FGF14: variants seen among roughly 807,000 people sequenced by gnomAD.
FGF14 encodes fibroblast growth factor homologous factor 4.
A neutral mutation model predicts 25.5 loss-of-function variants in FGF14; 5 were observed. That is an observed-to-expected ratio of 0.20 (90% CI 0.10 to 0.41). The LOEUF (loss-of-function observed/expected upper bound fraction) is 0.41. Among genes scored for constraint, FGF14 ranks in the 10% least tolerant of loss-of-function variants. FGF14 has a pLI of 1.00. For synonymous variants in FGF14, 138 were observed against 118.3 expected (o/e 1.17, Z -1.08); for missense variants, 222 against 320.1 (o/e 0.69, Z 2.34).
chr13:101,777,824 CATG>C (rs2039224606), intron 3 of FGF14, among the ~76,000 whole-genome samples: 1 of 151,980 alleles, frequency 6.6e-6, no homozygotes, highest in Non-Finnish European at 1.5e-5. Flanking sequence ...ATTAGTTGGG[CATG>C]GTGAGAGGCA....
At chr13:101,924,773 G>C (rs1423052273) in intron 1 of FGF14, among the ~76,000 whole-genome samples, 1 of 152,178 alleles carries the variant, frequency 6.6e-6, no homozygotes, top group Non-Finnish European at 1.5e-5. Context: ...AAGTTACACA[G>C]CTATGAAGTG....
chr13:101,968,542 A>C (rs745723817), intron 1 of FGF14, among the ~76,000 whole-genome samples: 25 of 152,034 alleles, frequency 1.6e-4, no homozygotes, highest in African/African-American at 4.6e-4. Flanking sequence ...GCGTGGTGGC[A>C]GGCGCCTGCA....
chr13:102,361,364 G>A (rs903402938), intron 1 of FGF14, among the ~76,000 whole-genome samples: 3 of 152,160 alleles, frequency 2.0e-5, no homozygotes, highest in Non-Finnish European at 2.9e-5. Flanking sequence ...AAGTTAACCT[G>A]GCTTCAAAGC....
At chr13:102,125,728 C>T (rs1034487931) in intron 1 of FGF14, among the ~76,000 whole-genome samples, 3 of 152,074 alleles carry the variant, frequency 2.0e-5, no homozygotes, top group Non-Finnish European at 4.4e-5. Context: ...GTATAGCATT[C>T]AATTGATTTG....
rs34438270 is a variant in FGF14, at chr13:102,370,936, C to CAAA, written c.208+30532_208+30534dup. Among the ~76,000 whole-genome samples, 137 of 130,464 alleles carry CAAA rather than the reference C, an allele frequency of 1.1e-3. 1 individual carries two copies. The highest frequency in any genetic ancestry group is 2.6e-3 in the African/African-American group (93 of 35,532). 85.6% of individuals were successfully genotyped at this position (130,464 alleles called of 152,430 possible). Reference sequence around the variant, plus strand: ...TATCCTCATACCTTCTTCCGCATACCAAAAAAAAAAAAAACCAACAGAAAA... The same window carrying CAAA: ...TATCCTCATACCTTCTTCCGCATACCAAAAAAAAAAAAAAAAACCAACAGAAAA... On this transcript the variant is annotated intron_variant, in intron 1 of 4. Coordinates refer to the FGF14 transcript ENST00000376131.
intron 1 of FGF14, among the ~76,000 whole-genome samples, chr13:101,881,788 G>A (rs929677339): frequency 6.6e-6 from 1 of 152,154 alleles, no homozygotes; most frequent in Non-Finnish European, 1.5e-5. Context: ...TCGCTCAAGT[G>A]CCGGCTGTGG....
chr13:102,215,375 T>A (rs965304257), intron 1 of FGF14, among the ~76,000 whole-genome samples: 1 of 152,250 alleles, frequency 6.6e-6, no homozygotes, highest in South Asian at 2.1e-4. Context: ...AATAATCTTT[T>A]AAGCAGAAGC....
intron 1 of FGF14, among the ~76,000 whole-genome samples, chr13:101,982,180 C>T (rs2038306874): frequency 1.3e-5 from 2 of 152,306 alleles, no homozygotes; most frequent in South Asian, 2.1e-4. Context: ...TAATTCTTCT[C>T]ATTCCAATGC....
At chr13:102,310,651 T>TTCTCTCTCTCTCTCTC (rs34400050) in intron 1 of FGF14, among the ~76,000 whole-genome samples, 7 of 45,802 alleles carry the variant, frequency 1.5e-4, no homozygotes, top group African/African-American at 6.9e-4. Context: ...CTCTTCCCGT[T>TTCTCTCTCTCTCTCTC]TCTCTCTCTC....
intron 1 of FGF14, among the ~76,000 whole-genome samples, chr13:102,054,410 A>G (rs2042342208): frequency 6.6e-6 from 1 of 152,192 alleles, no homozygotes. Flanking sequence ...TAATGTGAGG[A>G]AGATAGTCCC....
chr13:102,152,284 A>T (rs944066069), intron 1 of FGF14, among the ~76,000 whole-genome samples: 8 of 152,234 alleles, frequency 5.3e-5, no homozygotes, highest in African/African-American at 1.9e-4. Context: ...TTAGTTTGCT[A>T]GGGTTCCCAT....
intron 3 of FGF14, among the ~76,000 whole-genome samples, chr13:101,812,632 TATATATATATATATATATATA>T (rs1162433291): frequency 1.8e-3 from 23 of 12,846 alleles, no homozygotes; most frequent in African/African-American, 5.0e-3. Context: ...TATATATATA[TATATATATATATATATATATA>T]TTTTTTTTTT....
intron 3 of FGF14, among the ~76,000 whole-genome samples, chr13:101,770,936 A>G (rs905859257): frequency 3.3e-5 from 5 of 151,998 alleles, no homozygotes; most frequent in Admixed American, 3.3e-4. Flanking sequence ...CAGATTTAAA[A>G]CTATATTAAA....
intron 1 of FGF14, among the ~76,000 whole-genome samples, chr13:102,361,475 G>C (rs1012990737): frequency 6.6e-6 from 1 of 152,188 alleles, no homozygotes; most frequent in African/African-American, 2.4e-5. Flanking sequence ...TCAGACTCCA[G>C]CCAAGCTGTG....
At chr13:102,378,762 C>CT (rs1000915384) in intron 1 of FGF14, among the ~76,000 whole-genome samples, 2 of 151,932 alleles carry the variant, frequency 1.3e-5, no homozygotes, top group Admixed American at 6.6e-5. Flanking sequence ...GAATTTTCAT[C>CT]TTTAACTCCA....
At chr13:102,274,579 A>T (rs563856022) in intron 1 of FGF14, among the ~76,000 whole-genome samples, 1 of 152,292 alleles carries the variant, frequency 6.6e-6, no homozygotes, top group East Asian at 1.9e-4. Context: ...CAATTTTATA[A>T]AATGTTGCTC....
intron 3 of FGF14, among the ~76,000 whole-genome samples, chr13:101,798,809 G>A (rs551513164): frequency 6.6e-6 from 1 of 152,050 alleles, no homozygotes; most frequent in Non-Finnish European, 1.5e-5. Flanking sequence ...GTATTTGTGA[G>A]TGTTTGTGTG....
intron 3 of FGF14, among the ~76,000 whole-genome samples, chr13:101,825,757 T>C (rs2042366668): frequency 1.3e-5 from 2 of 152,152 alleles, no homozygotes; most frequent in Admixed American, 6.5e-5. Context: ...TAAAATACAT[T>C]GAGATTCAAG....
intron 1 of FGF14, among the ~76,000 whole-genome samples, chr13:102,143,605 A>G (rs1198594642): frequency 2.0e-5 from 3 of 152,208 alleles, no homozygotes; most frequent in Non-Finnish European, 4.4e-5. Context: ...ATTGAGTAGA[A>G]ATCAAAGGAA....
Sources: allele counts gnomAD v4.1 joint callset (sites outside exome capture counted in the v4.1 genomes callset), GRCh38; gene constraint gnomAD v4.1.1; transcripts MANE v1.5; gene names NCBI Gene and HGNC (gene_info 2026-07-23, HGNC 2026-07-21).